The following GNL1 variants were observed in gnomAD, a reference collection of about 807,000 sequenced individuals.
The protein encoded by GNL1 is G protein nucleolar 1, also known as guanine nucleotide-binding protein-like 1.
GNL1 carries 21 observed loss-of-function variants against 75.2 expected under a neutral mutation model. The ratio of observed to expected loss-of-function variants is 0.28; its 90% CI spans 0.20 to 0.40. The LOEUF is 0.40. Ranked by LOEUF, GNL1 falls within the 10% of genes least tolerant of loss-of-function variation. The pLI is 1.00. For missense variants in GNL1, 579 were observed against 775.0 expected (o/e 0.75, Z 3.00); for synonymous variants, 287 against 303.4 (o/e 0.95, Z 0.56).
intron 7 of GNL1, 46 bp downstream of exon 7, chr6:30,553,038 G>A: frequency 7.9e-7 from 1 of 1,260,704 alleles, no homozygotes; most frequent in South Asian, 1.3e-5. Flanking sequence ...CTGCATCTTT[G>A]GTCTCCCCCA....
chr6:30,556,271 G>A lies in GNL1; in HGVS notation c.-68C>T. ...CCGCCTCAACTGACTGCCCCCCGGG[G>A]CAGCCCCCGCCGCAGGGGCCCGGGA... is the stretch of plus-strand genomic sequence containing the variant. On this transcript the variant is annotated 5_prime_UTR_variant, in exon 1 of 12. Coordinates refer to ENST00000376621, the MANE Select transcript of GNL1 (RefSeq NM_005275.5). This position sits in a 1 kb window ranked among gnomAD's most constrained non-coding sequence, Gnocchi z 5.7. 6.5e-7 allele frequency: 1 copy of A among 1,543,678 alleles called. No individual in the cohort carries two copies. Among genetic ancestry groups the A allele is most frequent in the Non-Finnish European group, 8.7e-7 (1 of 1,150,026 alleles).
intron 8 of GNL1, among the ~76,000 whole-genome samples, chr6:30,551,542 T>C (rs1417137481): frequency 1.3e-5 from 2 of 152,120 alleles, no homozygotes; most frequent in Non-Finnish European, 2.9e-5. Context: ...AGACGGGCCC[T>C]GGGTCCTAAT....
rs781607988 is a variant in GNL1 at position 30,555,688 on chromosome 6, T to A, written c.106A>T (p.Ser36Cys). The A allele has an allele frequency of 6.2e-7, 1 of 1,613,640 alleles. No homozygotes were observed. The change falls in exon 2 of 12, where the codon AGC (serine) becomes TGC (cysteine). Residue 36 changes from serine to cysteine, a missense_variant. Transcript: ENST00000376621. This position sits in a 1 kb window ranked among gnomAD's most constrained non-coding sequence, Gnocchi z 4.3. ...LQDGLRSSSNSRSGSRERREE... is the reference protein window; with the variant it reads ...LQDGLRSSSNCRSGSRERREE... ...CGCCGCTCCCGGCTCCCGCTGCGGC[T>A]GTTGGAACTGGAGCGCAGCCCATCT...
intron 8 of GNL1, among the ~76,000 whole-genome samples, chr6:30,549,671 A>G (rs1253525956): frequency 6.6e-6 from 1 of 151,536 alleles, no homozygotes; most frequent in Non-Finnish European, 1.5e-5. Context: ...CTCTTCAAAC[A>G]CCTTCTTCAT....
chr6:30,548,107 C>G lies in GNL1; in HGVS notation c.1100-577G>C, dbSNP rs1799555404. ...AGGAGAACCACTTGAACCCAGGAGG[C>G]GGAGGTTGCAGTGAGCTGAGATTGC... On this transcript the variant is annotated intron_variant, in intron 8 of 11. Coordinates refer to ENST00000376621, the MANE Select transcript of GNL1 (RefSeq NM_005275.5). The surrounding 1 kb of genome is among the most constrained non-coding windows in gnomAD (Gnocchi z 4.2). Among the ~76,000 whole-genome samples the G allele has an allele frequency of 6.6e-6, 1 of 152,032 alleles. No homozygotes were observed. Among genetic ancestry groups the G allele is most frequent in the Admixed American group, 6.6e-5 (1 of 15,252 alleles).
chr6:30,548,820 T>G lies in GNL1; in HGVS notation c.1100-1290A>C, dbSNP rs1799592272. Among the ~76,000 whole-genome samples, 1 of 152,212 alleles carries G rather than the reference T, an allele frequency of 6.6e-6. No homozygotes were observed. The highest frequency in any genetic ancestry group is 1.5e-5 in the Non-Finnish European group (1 of 68,032). On this transcript the variant is annotated intron_variant, in intron 8 of 11. Transcript: ENST00000376621. The surrounding 1 kb of genome is among the most constrained non-coding windows in gnomAD (Gnocchi z 4.2). Reference sequence around the variant, plus strand: ...ACGACCACCACCAGACCTAGTTCTCTGTCCGCTTTGCAGGAAAACTCCTTA... The same window carrying G: ...ACGACCACCACCAGACCTAGTTCTCGGTCCGCTTTGCAGGAAAACTCCTTA...
In GNL1 at chr6:30,546,922, T is replaced by C. The variant is rs1799487224; in HGVS notation, c.1442-86A>G. On this transcript the variant is annotated intron_variant, in intron 10 of 11. Coordinates refer to ENST00000376621, the MANE Select transcript of GNL1 (RefSeq NM_005275.5). The surrounding 1 kb of genome is among the most constrained non-coding windows in gnomAD (Gnocchi z 5.1). ...ACTCCCATAACACAGTCCTTCCAGT[T>C]TTCCCCAAAACATTCCAGGCCAGAG... is the stretch of plus-strand genomic sequence containing the variant. 3.9e-6 allele frequency: 5 copies of C among 1,294,942 alleles called. No homozygotes were observed. The highest frequency in any genetic ancestry group is 1.9e-5 in the Admixed American group (1 of 51,328). 80.2% of individuals were successfully genotyped at this position (1,294,942 alleles called of 1,614,324 possible).
intron 3 of GNL1, 66 bp from the exon 4 acceptor site, chr6:30,554,981 C>A: frequency 6.2e-7 from 1 of 1,608,186 alleles, no homozygotes. Context: ...ATCCCAGACC[C>A]CTCCTTCCTC....
In GNL1 at chr6:30,555,582, A is replaced by T. The variant is rs1236034742; in HGVS notation, c.212T>A (p.Leu71Gln). The T allele has an allele frequency of 6.2e-7, 1 of 1,613,866 alleles. No individual in the cohort carries two copies. The highest frequency in any genetic ancestry group is 1.3e-5 in the African/African-American group (1 of 75,028). Residue 71 changes from leucine (L) to glutamine (Q), a missense_variant, in exon 2 of 12, where the codon CTG becomes CAG. Physicochemically the swap from Leu to Gln is moderately radical, Grantham distance 113. Coordinates refer to ENST00000376621, the MANE Select transcript of GNL1 (RefSeq NM_005275.5). The surrounding 1 kb of genome is among the most constrained non-coding windows in gnomAD (Gnocchi z 4.3). ...ATTTGGGTCGTAGCCTCGTGGACCC[A>T]GCCCCTGAGAAGGCTGCTGGTTAAG... is the stretch of plus-strand genomic sequence containing the variant. ...RRLNQQPSQG[L>Q]GPRGYDPNRY...
chr6:30,555,305 T>TGACTTGAGAGAGGAGACTTGAA lies in GNL1; in HGVS notation c.240-115_240-114insTTCAAGTCTCCTCTCTCAAGTC. 7.6e-7 allele frequency: 1 copy of TGACTTGAGAGAGGAGACTTGAA among 1,316,280 alleles called. No homozygotes were observed. The highest frequency in any genetic ancestry group is 1.1e-6 in the Non-Finnish European group (1 of 935,552). 81.5% of individuals were successfully genotyped at this position (1,316,280 alleles called of 1,614,324 possible). A position where few individuals can be genotyped will look rare whatever the true frequency, so the allele number is the denominator to read the frequency against. On this transcript the variant is annotated intron_variant, in intron 2 of 11. Coordinates refer to ENST00000376621, the MANE Select transcript of GNL1 (RefSeq NM_005275.5). The surrounding 1 kb of genome is among the most constrained non-coding windows in gnomAD (Gnocchi z 4.3). ...CATTCTCTCCAGAGTCGTTCAAGTCTCCTCTCTCAAGTCAGACTTCCCCCA... is the reference window on the plus strand; with the variant it reads ...CATTCTCTCCAGAGTCGTTCAAGTCTGACTTGAGAGAGGAGACTTGAACCTCTCTCAAGTCAGACTTCCCCCA...
chr6:30,545,020 C>G lies in GNL1; in HGVS notation c.*1052G>C, dbSNP rs1190768721. ...CAGCAAAGCCTAAGGTGCCCTGACT[C>G]ACGAGAGAGCTGATTTCTGCCGAAA... On this transcript the variant is annotated 3_prime_UTR_variant, in exon 12 of 12. Coordinates refer to ENST00000376621, the MANE Select transcript of GNL1 (RefSeq NM_005275.5). The G allele has an allele frequency of 6.6e-6, 1 of 152,178 alleles. No individual in the cohort carries two copies. The highest frequency in any genetic ancestry group is 2.4e-5 in the African/African-American group (1 of 41,442). 9.4% of individuals were successfully genotyped at this position (152,178 alleles called of 1,614,324 possible). A position where few individuals can be genotyped will look rare whatever the true frequency, so the allele number is the denominator to read the frequency against.
chr6:30,553,949 ATG>A (rs1799968578), intron 5 of GNL1, among the ~76,000 whole-genome samples: 1 of 152,124 alleles, frequency 6.6e-6, no homozygotes, highest in Non-Finnish European at 1.5e-5. Context: ...GTACGTGCAC[ATG>A]TGTGCATGTT....
In GNL1 at chr6:30,553,477, C is replaced by T. The variant is rs1799928057; in HGVS notation, c.681G>A (p.Val227=). The part of the protein sequence containing the change: ...GLALVLVLNK[V]DLAPPALVVA... ...CCACAAGAGCTGGCGGGGCCAGATC[C>T]ACCTTGTTCAAAACCAGCACCAGGG... The change falls in exon 6 of 12, where the codon GTG becomes GTA. Residue 227 remains valine (V), a synonymous_variant. Transcript: ENST00000376621. 1 of 1,612,910 alleles carries T rather than the reference C, an allele frequency of 6.2e-7. No homozygotes were observed. Among genetic ancestry groups the T allele is most frequent in the Admixed American group, 1.7e-5 (1 of 60,022 alleles).
In GNL1 at chr6:30,546,719, G is replaced by T; in HGVS notation, c.1559C>A (p.Pro520His). 1 of 1,609,922 alleles carries T rather than the reference G, an allele frequency of 6.2e-7. No individual in the cohort carries two copies. The highest frequency in any genetic ancestry group is 8.5e-7 in the Non-Finnish European group (1 of 1,177,534). The change falls in exon 11 of 12, where the codon CCC becomes CAC. Residue 520 changes from proline (P) to histidine (H), a missense_variant. Pro to His is a moderately conservative substitution (Grantham distance 77). Coordinates refer to ENST00000376621, the MANE Select transcript of GNL1 (RefSeq NM_005275.5). The surrounding 1 kb of genome is among the most constrained non-coding windows in gnomAD (Gnocchi z 5.1). Reference sequence around the variant, plus strand: ...ACCTTTCTGTTCACTGTAGCCTGGGGGATGAAAACACAGGCTGAGGCGGCC... The same window carrying T: ...ACCTTTCTGTTCACTGTAGCCTGGGTGATGAAAACACAGGCTGAGGCGGCC... ...VDGRLSLCFH[P>H]PGYSEQKGTW...
At chr6:30,553,062 C>A (rs1799894508) in intron 7 of GNL1, 22 bp downstream of exon 7, 4 of 1,524,380 alleles carry the variant, frequency 2.6e-6, no homozygotes, top group Non-Finnish European at 3.6e-6. Context: ...CCTCCTACAG[C>A]CCTCCTCTAA....
At chr6:30,554,988 C>T (rs1562715251) in intron 3 of GNL1, 67 bp downstream of exon 3, 3 of 1,609,646 alleles carry the variant, frequency 1.9e-6, no homozygotes, top group Non-Finnish European at 1.7e-6. Context: ...ACCCCTCCTT[C>T]CTCACAGTCG....
In GNL1 at chr6:30,546,470, TTGC is replaced by T; in HGVS notation, c.1583-160_1583-158del. 1.5e-6 allele frequency: 1 copy of T among 682,074 alleles called. No individual in the cohort carries two copies. The highest frequency in any genetic ancestry group is 2.5e-6 in the Non-Finnish European group (1 of 392,566). 42.3% of individuals were successfully genotyped at this position (682,074 alleles called of 1,614,324 possible). On this transcript the variant is annotated intron_variant, in intron 11 of 11. Coordinates refer to ENST00000376621, the MANE Select transcript of GNL1 (RefSeq NM_005275.5). This position sits in a 1 kb window ranked among gnomAD's most constrained non-coding sequence, Gnocchi z 5.1. ...ATTCATTCAACTTCCTATGTGCAGA[TTGC>T]TGAACAGAACCTTTGTGCACATCAA...
Position 30,553,183 on chromosome 6 carries a change from A to G in GNL1, c.809-4T>C. 6.2e-7 allele frequency: 1 copy of G among 1,606,910 alleles called. No homozygotes were observed. The highest frequency in any genetic ancestry group is 8.5e-7 in the Non-Finnish European group (1 of 1,173,594). On this transcript the variant is annotated splice_region_variant and splice_polypyrimidine_tract_variant and intron_variant, in intron 6 of 11. Transcript: ENST00000376621. ...CGCCTCCGACTCTTCTTCAAGACTG[A>G]GATCAGAGGGCACAAAAGGATGGGC...
Position 30,555,876 on chromosome 6 carries a change from G to A in GNL1, c.74-156C>T. ...TTGGGACCCTCCCGGATGTGCGTGGGGGGAGTCACTCCTTCAGGGAGCAGT... is the reference window on the plus strand; with the variant it reads ...TTGGGACCCTCCCGGATGTGCGTGGAGGGAGTCACTCCTTCAGGGAGCAGT... On this transcript the variant is annotated intron_variant, in intron 1 of 11. Transcript: ENST00000376621. The surrounding 1 kb of genome is among the most constrained non-coding windows in gnomAD (Gnocchi z 4.3). 1 of 862,936 alleles carries A rather than the reference G, an allele frequency of 1.2e-6. No homozygotes were observed. Among genetic ancestry groups the A allele is most frequent in the African/African-American group, 1.7e-5 (1 of 59,414 alleles). 53.5% of individuals were successfully genotyped at this position (862,936 alleles called of 1,614,324 possible).
Sources: gnomAD v4.1 joint callset for allele counts (sites outside exome capture counted in the v4.1 genomes callset) on GRCh38, gnomAD v4.1.1 for gene constraint, Gnocchi (gnomAD v3.1) non-coding constraint, MANE v1.5 for transcripts, NCBI Gene and HGNC (gene_info 2026-07-23, HGNC 2026-07-21) for gene names.